QKI: variants seen among roughly 807,000 people sequenced by gnomAD.
The protein encoded by QKI is QKI, KH domain containing RNA binding, also known as KH domain-containing RNA-binding protein QKI.
In QKI, 10 loss-of-function variants were observed where a neutral mutation model predicts 39.0. The ratio of observed to expected loss-of-function variants is 0.26; its 90% CI spans 0.16 to 0.43. The LOEUF (loss-of-function observed/expected upper bound fraction) is 0.43, where lower values mean the gene tolerates loss of function less well. QKI is among the 20% of genes least tolerant of loss of function. QKI has a pLI of 1.00. For synonymous variants in QKI, 204 were observed against 155.4 expected (o/e 1.31, Z -2.33); for missense variants, 218 against 428.0 (o/e 0.51, Z 4.33).
intron 3 of QKI, among the ~76,000 whole-genome samples, chr6:163,503,092 A>T (rs1210735817): frequency 1.3e-5 from 2 of 149,346 alleles, no homozygotes; most frequent in Non-Finnish European, 3.0e-5. Context: ...CATTTCTCTG[A>T]TGATAGTAAT....
chr6:163,462,829 C>T, intron 2 of QKI, among the ~76,000 whole-genome samples: 1 of 152,030 alleles, frequency 6.6e-6, no homozygotes, highest in Non-Finnish European at 1.5e-5. Flanking sequence ...CAGGCAATGG[C>T]AGTTGAAATG....
chr6:163,498,450 A>G (rs946992107), intron 3 of QKI, among the ~76,000 whole-genome samples: 11 of 152,132 alleles, frequency 7.2e-5, no homozygotes, highest in African/African-American at 2.7e-4. Context: ...AAACAGTACA[A>G]AGCTCTCCTA....
In QKI at chr6:163,483,972, T is replaced by G. The variant is rs78093606; in HGVS notation, c.402+5076T>G. Among the ~76,000 whole-genome samples, 515 of 152,362 alleles carry G rather than the reference T, an allele frequency of 3.4e-3. 4 individuals carry two copies. The highest frequency in any genetic ancestry group is 0.012 in the African/African-American group (486 of 41,592). On this transcript the variant is annotated intron_variant, in intron 3 of 7. Transcript: ENST00000361752. ...ACTCCTTGATCCATGGGTTACAGAA[T>G]GAATGTTGTGTTAGCAGGAGTGAAA...
intron 2 of QKI, among the ~76,000 whole-genome samples, chr6:163,456,842 C>G (rs1489171829): frequency 6.6e-6 from 1 of 151,586 alleles, no homozygotes; most frequent in Non-Finnish European, 1.5e-5. Context: ...ACTTGAGCAG[C>G]AGGAGTTTGT....
At chr6:163,426,132 T>C (rs1449733501) in intron 1 of QKI, among the ~76,000 whole-genome samples, 1 of 152,194 alleles carries the variant, frequency 6.6e-6, no homozygotes, top group Non-Finnish European at 1.5e-5. Flanking sequence ...TATTCAGATT[T>C]CTGTAGTGGA....
At chr6:163,524,874 A>G (rs1780388131) in intron 3 of QKI, among the ~76,000 whole-genome samples, 1 of 152,180 alleles carries the variant, frequency 6.6e-6, no homozygotes, top group Admixed American at 6.5e-5. Context: ...GTACTCGTCC[A>G]TGTGCTATCC....
intron 2 of QKI, among the ~76,000 whole-genome samples, chr6:163,459,506 C>G (rs150005582): frequency 1.6e-4 from 25 of 152,184 alleles, no homozygotes; most frequent in African/African-American, 5.8e-4. Flanking sequence ...GTTGAGAAAC[C>G]CTGCGTTAGT....
intron 1 of QKI, among the ~76,000 whole-genome samples, chr6:163,451,315 G>C (rs1412526608): frequency 6.6e-6 from 1 of 152,314 alleles, no homozygotes; most frequent in African/African-American, 2.4e-5. Context: ...GATAGCTTCA[G>C]TTGGCTTATC....
At position 163,546,122 on chromosome 6, in the gene QKI, A is replaced by G. The variant is rs192112917; in HGVS notation, c.546+10997A>G. On this transcript the variant is annotated intron_variant, in intron 4 of 7. Transcript: ENST00000361752. ...TTTTAGTGTTTGGGGTTTTTTAAAA[A>G]TTTCTTTATTAAATGTATGATATTC... 8.6e-4 allele frequency among the ~76,000 whole-genome samples: 130 copies of G among 150,570 alleles called. 1 individual carries two copies. Among genetic ancestry groups the G allele is most frequent in the Admixed American group, 2.1e-3 (31 of 15,088 alleles).
intron 4 of QKI, among the ~76,000 whole-genome samples, chr6:163,540,362 C>T (rs893189191): frequency 1.3e-5 from 2 of 152,106 alleles, no homozygotes; most frequent in Non-Finnish European, 2.9e-5. Flanking sequence ...AAAGATTGTA[C>T]TTCCTTCTCT....
chr6:163,455,770 C>T (rs1385614466), intron 2 of QKI, among the ~76,000 whole-genome samples: 2 of 152,164 alleles, frequency 1.3e-5, no homozygotes, highest in Non-Finnish European at 2.9e-5. Context: ...CCACAGCATT[C>T]TTTCTGTAAA....
Position 163,570,780 on chromosome 6 carries a change from A to C in QKI, c.*70A>C. On this transcript the variant is annotated 3_prime_UTR_variant, in exon 8 of 8. Coordinates refer to ENST00000361752, the MANE Select transcript of QKI (RefSeq NM_006775.3). The stretch of plus-strand genomic sequence containing the variant: ...GACCATGCCTGCCTGCTGATCAGTT[A>C]ACTGGTAATCGCCTTTGCTTGCCTG... 6.3e-7 allele frequency: 1 copy of C among 1,582,578 alleles called. No individual in the cohort carries two copies. The highest frequency in any genetic ancestry group is 8.6e-7 in the Non-Finnish European group (1 of 1,161,650).
At chr6:163,451,098 G>C (rs1035985444) in intron 1 of QKI, among the ~76,000 whole-genome samples, 14 of 152,194 alleles carry the variant, frequency 9.2e-5, no homozygotes, top group African/African-American at 3.1e-4. Flanking sequence ...GATATGTGTA[G>C]CAGAAAATAA....
At chr6:163,516,190 ACACT>A (rs1203648063) in intron 3 of QKI, among the ~76,000 whole-genome samples, 2 of 152,212 alleles carry the variant, frequency 1.3e-5, no homozygotes, top group African/African-American at 4.8e-5. Context: ...TGCACACATG[ACACT>A]CAACAACATA....
chr6:163,572,510 TACTC>T lies in QKI; in HGVS notation c.*1802_*1805del, dbSNP rs1470890412. The T allele has an allele frequency of 6.6e-6, 1 of 151,466 alleles. No individual in the cohort carries two copies. The highest frequency in any genetic ancestry group is 2.4e-5 in the African/African-American group (1 of 41,152). 9.4% of individuals were successfully genotyped at this position (151,466 alleles called of 1,614,324 possible). On this transcript the variant is annotated 3_prime_UTR_variant, in exon 8 of 8. Transcript: ENST00000361752. ...AAACTAGCATCATAGTGCATATAAATACTCAACCACATTTCAGCTTAAGCTTCTA... is the reference window on the plus strand; with the variant it reads ...AAACTAGCATCATAGTGCATATAAATAACCACATTTCAGCTTAAGCTTCTA...
intron 3 of QKI, among the ~76,000 whole-genome samples, chr6:163,511,834 C>A (rs996256974): frequency 6.6e-6 from 1 of 151,852 alleles, no homozygotes; most frequent in Non-Finnish European, 1.5e-5. Flanking sequence ...CTTCTTAACT[C>A]ATTTTATTAT....
chr6:163,429,822 G>A (rs867762482), intron 1 of QKI, among the ~76,000 whole-genome samples: 16 of 152,216 alleles, frequency 1.1e-4, no homozygotes, highest in Middle Eastern at 6.8e-3. Context: ...TTGGTTGTAT[G>A]CTATTAATAT....
intron 3 of QKI, among the ~76,000 whole-genome samples, chr6:163,510,508 C>T (rs994860009): frequency 1.3e-5 from 2 of 151,884 alleles, no homozygotes; most frequent in Non-Finnish European, 2.9e-5. Context: ...TTGCAGTGAG[C>T]CAAGATTGTG....
chr6:163,545,195 AAATG>A (rs1781793676), intron 4 of QKI, among the ~76,000 whole-genome samples: 2 of 152,242 alleles, frequency 1.3e-5, no homozygotes, highest in South Asian at 4.1e-4. Flanking sequence ...GCAGAAATTT[AAATG>A]TGCTGATTTT....
Sources: gnomAD v4.1 joint callset for allele counts (sites outside exome capture counted in the v4.1 genomes callset) on GRCh38, gnomAD v4.1.1 for gene constraint, MANE v1.5 for transcripts, NCBI Gene and HGNC (gene_info 2026-07-23, HGNC 2026-07-21) for gene names.